The following TRPM6 variants were observed in gnomAD, a reference collection of about 807,000 sequenced individuals.
TRPM6 encodes transient receptor potential cation channel subfamily M member 6.
Under a neutral mutation model 247.6 loss-of-function variants are expected in TRPM6, and 111 were observed. The ratio of observed to expected loss-of-function variants is 0.45; its 90% CI spans 0.38 to 0.52. TRPM6 has a LOEUF of 0.52. Ranked by LOEUF, TRPM6 falls within the 20% of genes least tolerant of loss-of-function variation. The pLI is 0.00. For missense variants in TRPM6, 2,126 were observed against 2,421.5 expected, an observed-to-expected ratio of 0.88 and a Z score of 2.56; for synonymous variants, 892 against 853.8, an observed-to-expected ratio of 1.04 and a Z score of -0.78.
chr9:74,755,067 A>G lies in TRPM6; in HGVS notation c.4906+286T>C, dbSNP rs536751858. 5.9e-5 allele frequency among the ~76,000 whole-genome samples: 9 copies of G among 152,356 alleles called. No individual in the cohort carries two copies. In the East Asian group the frequency reaches 1.3e-3, roughly 23 times the overall value. On this transcript the variant is annotated intron_variant, in intron 28 of 38. Coordinates refer to ENST00000360774, the MANE Select transcript of TRPM6 (RefSeq NM_017662.5). ...CCCTATCCATAAATCAGACTAAATG[A>G]ATGCTGTCTCGATAAAACACTCTGA...
At chr9:74,809,595 T>TA (rs1422771192) in intron 13 of TRPM6, among the ~76,000 whole-genome samples, 1 of 152,044 alleles carries the variant, frequency 6.6e-6, no homozygotes, top group Non-Finnish European at 1.5e-5. Context: ...TGGCACAGTT[T>TA]AAAAAAAATA....
chr9:74,733,205 G>GA (rs1024093242), intron 36 of TRPM6, among the ~76,000 whole-genome samples: 41 of 128,266 alleles, frequency 3.2e-4, no homozygotes, highest in Non-Finnish European at 2.4e-4. Flanking sequence ...CTATCTCAAA[G>GA]AAAAAAAAAA....
At chr9:74,812,877 A>G (rs566209609) in intron 11 of TRPM6, among the ~76,000 whole-genome samples, 10 of 152,314 alleles carry the variant, frequency 6.6e-5, no homozygotes, top group African/African-American at 2.4e-4. Context: ...GCAACAGGGC[A>G]AGACCCTGTC....
At chr9:74,750,381 A>C (rs1826202618) in intron 30 of TRPM6, among the ~76,000 whole-genome samples, 1 of 152,190 alleles carries the variant, frequency 6.6e-6, no homozygotes, top group Non-Finnish European at 1.5e-5. Context: ...TATGATAATC[A>C]TTATTCTATG....
At chr9:74,839,041 C>T (rs767468692) in intron 5 of TRPM6, among the ~76,000 whole-genome samples, 6 of 145,752 alleles carry the variant, frequency 4.1e-5, no homozygotes, top group African/African-American at 1.0e-4. Context: ...ACCTGGGAGG[C>T]GGAGATCGCA....
intron 3 of TRPM6, among the ~76,000 whole-genome samples, chr9:74,850,310 T>C (rs1830257893): frequency 6.6e-6 from 1 of 151,764 alleles, no homozygotes; most frequent in Admixed American, 6.6e-5. Flanking sequence ...AAGTGGAAGT[T>C]ATAGTGAGGC....
intron 4 of TRPM6, among the ~76,000 whole-genome samples, chr9:74,841,664 C>A (rs1829943093): frequency 6.6e-6 from 1 of 152,038 alleles, no homozygotes; most frequent in East Asian, 1.9e-4. Flanking sequence ...GCCACCATAC[C>A]AGCTAAATTT....
chr9:74,871,423 T>A (rs190243567), intron 1 of TRPM6, among the ~76,000 whole-genome samples: 1 of 152,284 alleles, frequency 6.6e-6, no homozygotes, highest in East Asian at 1.9e-4. Context: ...TGCACCTTGT[T>A]TTTTTTCTGA....
chr9:74,739,497 G>A, intron 34 of TRPM6, 48 bp from the exon 35 acceptor site: 1 of 1,579,278 alleles, frequency 6.3e-7, no homozygotes, highest in Non-Finnish European at 8.7e-7. Context: ...CTGTTGTACA[G>A]CTATGATCAT....
At chr9:74,778,181 G>C (rs1564009450) in intron 23 of TRPM6, among the ~76,000 whole-genome samples, 1 of 152,122 alleles carries the variant, frequency 6.6e-6, no homozygotes, top group Non-Finnish European at 1.5e-5. Flanking sequence ...ATCTGAAAGG[G>C]CACCCCCACC....
chr9:74,847,269 T>C (rs1019148137), intron 3 of TRPM6, among the ~76,000 whole-genome samples: 19 of 152,150 alleles, frequency 1.2e-4, no homozygotes, highest in African/African-American at 3.9e-4. Flanking sequence ...GGTGTGACCA[T>C]GGCTCACTGC....
Position 74,785,745 on chromosome 9 carries a change from G to A in TRPM6, c.2919+129C>T, listed in dbSNP as rs567808093. On this transcript the variant is annotated intron_variant, in intron 21 of 38. Coordinates refer to ENST00000360774, the MANE Select transcript of TRPM6 (RefSeq NM_017662.5). ...TCACCCTGTTAGCCAGGATGTTCTT[G>A]ATCTCCTGACCTTGTGATCCGCCCG... 52 of 1,003,230 alleles carry A rather than the reference G, an allele frequency of 5.2e-5. No homozygotes were observed. In the East Asian group the frequency reaches 8.5e-4, roughly 16 times the overall value. The allele number at this position is 1,003,230 out of a possible 1,614,324, so 62.1% of individuals were successfully genotyped here.
In TRPM6 at chr9:74,723,016, T is replaced by C. The variant is rs1288675123; in HGVS notation, c.*1597A>G. On this transcript the variant is annotated 3_prime_UTR_variant, in exon 39 of 39. Transcript: ENST00000360774. Reference sequence around the variant, plus strand: ...GCTGCCTGTGAACTGGAACAGCTTATAATAAGAAAGGAGATGCAATAGGAT... The same window carrying C: ...GCTGCCTGTGAACTGGAACAGCTTACAATAAGAAAGGAGATGCAATAGGAT... 1 of 152,116 alleles carries C rather than the reference T, an allele frequency of 6.6e-6. No individual in the cohort carries two copies. The allele number at this position is 152,116 out of a possible 1,614,324, so 9.4% of individuals were successfully genotyped here.
intron 19 of TRPM6, among the ~76,000 whole-genome samples, chr9:74,789,611 TC>T (rs776228292): frequency 7.9e-5 from 12 of 152,196 alleles, no homozygotes; most frequent in Non-Finnish European, 1.6e-4. Context: ...ACTGCAGTCC[TC>T]TAAATAGCCT....
chr9:74,755,265 A>G, intron 28 of TRPM6, 88 bp downstream of exon 28: 1 of 1,367,116 alleles, frequency 7.3e-7, no homozygotes, highest in Non-Finnish European at 1.0e-6. Flanking sequence ...ATGTGAAAGA[A>G]CAGGAGGAAC....
chr9:74,838,624 C>A (rs1001236953), intron 5 of TRPM6, among the ~76,000 whole-genome samples: 7 of 152,202 alleles, frequency 4.6e-5, no homozygotes, highest in Non-Finnish European at 1.0e-4. Flanking sequence ...CAACATTCTG[C>A]AAGTGCTACA....
At chr9:74,870,894 C>CG (rs1381075197) in intron 1 of TRPM6, among the ~76,000 whole-genome samples, 2 of 151,046 alleles carry the variant, frequency 1.3e-5, no homozygotes, top group African/African-American at 4.9e-5. Context: ...GATAGTGCCA[C>CG]GGCACTCCAG....
intron 17 of TRPM6, 134 bp downstream of exon 17, chr9:74,800,120 G>T: frequency 1.2e-6 from 1 of 814,958 alleles, no homozygotes; most frequent in Non-Finnish European, 2.0e-6. Context: ...TCCCCTGCTA[G>T]AACCTCCAAA....
intron 5 of TRPM6, among the ~76,000 whole-genome samples, chr9:74,839,034 T>C (rs1829824520): frequency 6.9e-6 from 1 of 145,964 alleles, no homozygotes; most frequent in Admixed American, 7.1e-5. Context: ...CGCTTGAACC[T>C]GGGAGGCGGA....
Sources: gnomAD v4.1 joint callset for allele counts (sites outside exome capture counted in the v4.1 genomes callset) on GRCh38, gnomAD v4.1.1 for gene constraint, MANE v1.5 for transcripts, NCBI Gene and HGNC (gene_info 2026-07-23, HGNC 2026-07-21) for gene names.